COL28A1: variants seen among roughly 807,000 people sequenced by gnomAD.
COL28A1 encodes the protein collagen type XXVIII alpha 1 chain.
COL28A1 carries 161 observed loss-of-function variants against 150.2 expected under a neutral mutation model. The observed-to-expected ratio is 1.07, with a 90% CI of 0.94 to 1.22. COL28A1 has a LOEUF of 1.22. Ranked by LOEUF, COL28A1 falls within the 50% of genes most tolerant of loss-of-function variation. The pLI is 0.00. For missense variants in COL28A1, 1,617 were observed against 1,388.3 expected, an observed-to-expected ratio of 1.16 and a Z score of -2.62; for synonymous variants, 552 against 469.7, an observed-to-expected ratio of 1.18 and a Z score of -2.26.
chr7:7,352,321 C>T (rs114477196), downstream of COL28A1, among the ~76,000 whole-genome samples: 1,591 of 152,284 alleles, frequency 0.01, 29 homozygotes, highest in African/African-American at 0.037. Flanking sequence ...GAGGACACAG[C>T]TGTTGTGGCA....
intron 15 of COL28A1, among the ~76,000 whole-genome samples, chr7:7,462,951 A>C (rs1318048605): frequency 6.6e-6 from 1 of 152,026 alleles, no homozygotes; most frequent in Non-Finnish European, 1.5e-5. Context: ...AGACCTTCAG[A>C]GCTCAAAGAC....
chr7:7,433,869 C>A (rs553499116), intron 23 of COL28A1, among the ~76,000 whole-genome samples: 1 of 152,156 alleles, frequency 6.6e-6, no homozygotes, highest in Non-Finnish European at 1.5e-5. Flanking sequence ...ACAGGCAGAC[C>A]TTTGTTTTGC....
chr7:7,381,692 C>G (rs114343166), intron 27 of COL28A1, 80 bp from the exon 28 acceptor site: 3 of 872,926 alleles, frequency 3.4e-6, no homozygotes, highest in African/African-American at 1.7e-5. Flanking sequence ...AACACACTTA[C>G]GGTTTAAAAC....
intron 14 of COL28A1, among the ~76,000 whole-genome samples, chr7:7,475,931 G>A (rs987004903): frequency 6.6e-5 from 10 of 152,108 alleles, no homozygotes; most frequent in Admixed American, 1.3e-4. Context: ...TAACAAGGGC[G>A]TCTTTTAAAA....
chr7:7,357,673 A>AAG (rs1199334278), downstream of COL28A1: 2 of 151,606 alleles, frequency 1.3e-5, no homozygotes, highest in East Asian at 1.9e-4. Context: ...AAAAAAAAAA[A>AAG]AAAGAAAGAA....
At chr7:7,516,308 T>A (rs1269726619) in intron 7 of COL28A1, among the ~76,000 whole-genome samples, 1 of 152,248 alleles carries the variant, frequency 6.6e-6, no homozygotes, top group Non-Finnish European at 1.5e-5. Flanking sequence ...TTGTATCCAT[T>A]ATGGTCCTCC....
At chr7:7,385,220 T>C (rs1461463360) in intron 27 of COL28A1, among the ~76,000 whole-genome samples, 1 of 152,212 alleles carries the variant, frequency 6.6e-6, no homozygotes, top group Admixed American at 6.5e-5. Context: ...AGATTTTTTG[T>C]GGAGGTGAAT....
At chr7:7,412,501 G>GA in intron 27 of COL28A1, among the ~76,000 whole-genome samples, 1 of 152,172 alleles carries the variant, frequency 6.6e-6, no homozygotes, top group Non-Finnish European at 1.5e-5. Context: ...CTTGTTCCTG[G>GA]AAAATACAAG....
chr7:7,494,065 G>A (rs191550622), intron 11 of COL28A1, among the ~76,000 whole-genome samples: 1 of 152,270 alleles, frequency 6.6e-6, no homozygotes, highest in East Asian at 1.9e-4. Context: ...GTGAGTGTGA[G>A]CGTGTGTGGA....
intron 21 of COL28A1, 40 bp downstream of exon 21, chr7:7,440,750 C>G: frequency 2.4e-6 from 2 of 837,698 alleles, no homozygotes; most frequent in Non-Finnish European, 4.0e-6. Flanking sequence ...AGACACAATA[C>G]AAACTCCTCA....
chr7:7,531,899 T>C lies in COL28A1; in HGVS notation c.130A>G (p.Ile44Val). The change falls in exon 3 of 35, where the codon ATT becomes GTT. Residue 44 changes from isoleucine to valine, a missense_variant. Ile to Val is a conservative substitution (Grantham distance 29, BLOSUM62 3). Transcript: ENST00000399429. The part of the protein sequence containing the change: ...LARKSDVQGS[I>V]CFIDIVFIVD... ...ATGAAGACAATATCTATGAAACAAA[T>C]GGAGCCTGAAACAGAATAAACAGGT... The C allele has an allele frequency of 4.4e-6, 7 of 1,595,140 alleles. No individual in the cohort carries two copies. The highest frequency in any genetic ancestry group is 6.0e-6 in the Non-Finnish European group (7 of 1,164,964).
chr7:7,492,170 G>T (rs532228753), intron 11 of COL28A1, among the ~76,000 whole-genome samples: 19 of 152,140 alleles, frequency 1.2e-4, no homozygotes, highest in Non-Finnish European at 2.2e-4. Flanking sequence ...AGATAAAGGA[G>T]TTTTCAGAAA....
At chr7:7,344,042 C>A in the COL28A1 span, among the ~76,000 whole-genome samples, 14 of 151,740 alleles carry the variant, frequency 9.2e-5, 1 homozygote, top group South Asian at 2.9e-3. Flanking sequence ...GGTGCAGGTG[C>A]ATTTCTTAAT....
intron 33 of COL28A1, among the ~76,000 whole-genome samples, chr7:7,365,475 C>A (rs1780888013): frequency 1.3e-5 from 2 of 152,162 alleles, no homozygotes; most frequent in African/African-American, 4.8e-5. Context: ...TCACCATTCT[C>A]TTTCAGCCTT....
chr7:7,532,636 C>T (rs1382525361), intron 2 of COL28A1, 116 bp downstream of exon 2: 2 of 1,296,288 alleles, frequency 1.5e-6, no homozygotes, highest in African/African-American at 1.5e-5. Flanking sequence ...TCAAAGTAGA[C>T]TATCACATGT....
Position 7,421,565 on chromosome 7 carries a change from C to G in COL28A1, c.1999-1612G>C, listed in dbSNP as rs369327060. ...GTCCTGTTTTGCCCATATCCTGTTA[C>G]CAGCTAAACAGCTTCCAGCTTCCAA... is the stretch of plus-strand genomic sequence containing the variant. On this transcript the variant is annotated intron_variant, in intron 25 of 34. Transcript: ENST00000399429. Among the ~76,000 whole-genome samples the G allele has an allele frequency of 1.1e-4, 17 of 152,250 alleles. No individual in the cohort carries two copies. The East Asian group carries it at 2.5e-3, about 22-fold the overall frequency.
At chr7:7,381,428 T>C in intron 28 of COL28A1, 116 bp downstream of exon 28, 2 of 721,300 alleles carry the variant, frequency 2.8e-6, no homozygotes, top group Non-Finnish European at 4.8e-6. Context: ...TGGATTGTTT[T>C]TCTTCTGAGA....
chr7:7,458,447 C>A (rs747713080), intron 15 of COL28A1, among the ~76,000 whole-genome samples: 20 of 150,370 alleles, frequency 1.3e-4, no homozygotes, highest in Non-Finnish European at 2.5e-4. Flanking sequence ...AACAAACAAA[C>A]AAAAAAAACA....
Position 7,358,509 on chromosome 7 carries a change from C to G in COL28A1, c.*124G>C. ...ACATCCTAGGGCTGTAGTGAGAATTCAATTACATGTATAAGTTGTAAATAC... is the reference window on the plus strand; with the variant it reads ...ACATCCTAGGGCTGTAGTGAGAATTGAATTACATGTATAAGTTGTAAATAC... On this transcript the variant is annotated 3_prime_UTR_variant, in exon 35 of 35. Coordinates refer to ENST00000399429, the MANE Select transcript of COL28A1 (RefSeq NM_001037763.3). 2 of 880,086 alleles carry G rather than the reference C, an allele frequency of 2.3e-6. No homozygotes were observed. The highest frequency in any genetic ancestry group is 3.6e-6 in the Non-Finnish European group (2 of 563,308). The allele number at this position is 880,086 out of a possible 1,614,324, so 54.5% of individuals were successfully genotyped here. A position where few individuals can be genotyped will look rare whatever the true frequency, so the allele number is the denominator to read the frequency against.
Sources: gnomAD v4.1 joint callset for allele counts (sites outside exome capture counted in the v4.1 genomes callset) on GRCh38, gnomAD v4.1.1 for gene constraint, MANE v1.5 for transcripts, NCBI Gene and HGNC (gene_info 2026-07-23, HGNC 2026-07-21) for gene names.